The following CDC42 variants were observed in gnomAD, a reference collection of about 807,000 sequenced individuals.
The protein encoded by CDC42 is cell division cycle 42.
Under a neutral mutation model 20.8 loss-of-function variants are expected in CDC42, and 1 was observed. That is an observed-to-expected ratio of 0.05 (90% CI 0.02 to 0.23). The LOEUF is 0.23. Among genes scored for constraint, CDC42 ranks in the 10% least tolerant of loss-of-function variants. The pLI, the probability that CDC42 is intolerant of heterozygous loss-of-function variation, is 1.00. For missense variants in CDC42, 49 were observed against 227.9 expected (o/e 0.21, Z 5.05); for synonymous variants, 72 against 84.8 (o/e 0.85, Z 0.83).
intron 1 of CDC42, among the ~76,000 whole-genome samples, chr1:22,071,078 C>G: frequency 7.2e-6 from 1 of 139,440 alleles, no homozygotes; most frequent in Non-Finnish European, 1.5e-5. Flanking sequence ...GAGTCTCGCT[C>G]TGTTGCCCAG....
chr1:22,093,968 G>C lies in CDC42; in HGVS notation c.*2451G>C, dbSNP rs564891327. The stretch of plus-strand genomic sequence containing the variant: ...TCAACGAATTATCCGTGTATCAGAA[G>C]AACAAGGATGATGGGGATTGATTGA... On this transcript the variant is annotated 3_prime_UTR_variant, in exon 6 of 6. Coordinates refer to ENST00000656825, the MANE Select transcript of CDC42 (RefSeq NM_001791.4). Among the ~76,000 whole-genome samples, 22 of 152,318 alleles carry C rather than the reference G, an allele frequency of 1.4e-4. No homozygotes were observed. Among genetic ancestry groups the C allele is most frequent in the African/African-American group, 4.8e-4 (20 of 41,566 alleles).
chr1:22,086,440 G>T lies in CDC42; in HGVS notation c.180G>T (p.Gly60=), dbSNP rs905370439. 1.9e-6 allele frequency: 3 copies of T among 1,580,638 alleles called. No individual in the cohort carries two copies. The South Asian group carries it at 3.4e-5, about 18-fold the overall frequency. Residue 60 remains glycine (G), a splice_region_variant and synonymous_variant, in exon 4 of 6, where the codon GGG becomes GGT. Coordinates refer to ENST00000656825, the MANE Select transcript of CDC42 (RefSeq NM_001791.4). ...CTCCAATATTTTTCTTTTTTCTAGG[G>T]CAAGAGGATTATGACAGATTACGAC... ...PYTLGLFDTA[G]QEDYDRLRPL... is the part of the protein sequence containing the mutation.
intron 3 of CDC42, among the ~76,000 whole-genome samples, chr1:22,085,030 A>G (rs896812791): frequency 5.9e-5 from 9 of 151,950 alleles, no homozygotes; most frequent in African/African-American, 1.9e-4. Context: ...TCAGAAGTTT[A>G]AGACCAGCCT....
At position 22,087,993 on chromosome 1, in the gene CDC42, G is replaced by A. The variant is rs549628739; in HGVS notation, c.486+1127G>A. On this transcript the variant is annotated intron_variant, in intron 5 of 5. Coordinates refer to ENST00000656825, the MANE Select transcript of CDC42 (RefSeq NM_001791.4). Reference sequence around the variant, plus strand: ...TCCCTCAAAATAACTTCGAGGCCTAGTATCAGATGATTTAAACATAATCTT... The same window carrying A: ...TCCCTCAAAATAACTTCGAGGCCTAATATCAGATGATTTAAACATAATCTT... 4.5e-4 allele frequency among the ~76,000 whole-genome samples: 69 copies of A among 152,296 alleles called. 1 individual carries two copies. The South Asian group carries it at 6.0e-3, about 13-fold the overall frequency.
chr1:22,078,264 G>A (rs978270282), intron 1 of CDC42, among the ~76,000 whole-genome samples, 165 bp from the exon 2 acceptor site: 1 of 152,116 alleles, frequency 6.6e-6, no homozygotes, highest in African/African-American at 2.4e-5. Context: ...GACCTTATTT[G>A]TTATTGTAAC....
intron 1 of CDC42, among the ~76,000 whole-genome samples, chr1:22,061,411 G>GAA (rs150165231): frequency 7.3e-6 from 1 of 136,390 alleles, no homozygotes; most frequent in Admixed American, 7.4e-5. Context: ...TCTGTCTCAG[G>GAA]AAAAAAAAAA....
chr1:22,074,034 T>C (rs1185157036), intron 1 of CDC42: 1 of 152,148 alleles, frequency 6.6e-6, no homozygotes, highest in Non-Finnish European at 1.5e-5. Context: ...TAAAAAGAGG[T>C]AGGATTCAGT....
At position 22,093,417 on chromosome 1, in the gene CDC42, A is replaced by G. The variant is rs1459151175; in HGVS notation, c.*1900A>G. 1.3e-5 allele frequency among the ~76,000 whole-genome samples: 2 copies of G among 152,242 alleles called. No individual in the cohort carries two copies. The highest frequency in any genetic ancestry group is 2.9e-5 in the Non-Finnish European group (2 of 68,036). On this transcript the variant is annotated 3_prime_UTR_variant, in exon 6 of 6. Transcript: ENST00000656825. ...ACCTAGTTGGTTATCTCAAACTACT[A>G]CTATCAGAATACAGGTTCTGTGCTG... is the stretch of plus-strand genomic sequence containing the variant.
chr1:22,076,797 A>G (rs746786782), intron 1 of CDC42, among the ~76,000 whole-genome samples: 3 of 152,064 alleles, frequency 2.0e-5, no homozygotes, highest in Non-Finnish European at 4.4e-5. Context: ...CTTAGTGCAT[A>G]AAAGGGAAAG....
chr1:22,063,280 C>T (rs889909060), intron 1 of CDC42, among the ~76,000 whole-genome samples: 2 of 151,916 alleles, frequency 1.3e-5, no homozygotes, highest in Non-Finnish European at 2.9e-5. Flanking sequence ...GAGACTACTA[C>T]AGTTGTTAGC....
chr1:22,089,013 G>A (rs2124046393), intron 5 of CDC42, among the ~76,000 whole-genome samples: 1 of 152,268 alleles, frequency 6.6e-6, no homozygotes, highest in East Asian at 1.9e-4. Flanking sequence ...GGGAACACTT[G>A]GGGTGGTCTG....
intron 5 of CDC42, among the ~76,000 whole-genome samples, chr1:22,087,560 C>G (rs768106860): frequency 1.2e-4 from 19 of 152,154 alleles, no homozygotes; most frequent in Admixed American, 3.9e-4. Context: ...TTTTCACCTT[C>G]ATGATATCGC....
chr1:22,068,320 C>T (rs1269175644), intron 1 of CDC42: 1 of 153,338 alleles, frequency 6.5e-6, no homozygotes. Context: ...TCTGAGCCAT[C>T]TCTTAAGTTC....
intron 1 of CDC42, among the ~76,000 whole-genome samples, chr1:22,058,524 C>A (rs2152826281): frequency 6.6e-6 from 1 of 151,048 alleles, no homozygotes; most frequent in South Asian, 2.1e-4. Flanking sequence ...CCCTTGTTGC[C>A]CAGGCTGGAG....
Position 22,093,749 on chromosome 1 carries a change from C to T in CDC42, c.*2232C>T, listed in dbSNP as rs1645737320. On this transcript the variant is annotated 3_prime_UTR_variant, in exon 6 of 6. Coordinates refer to ENST00000656825, the MANE Select transcript of CDC42 (RefSeq NM_001791.4). ...TTGTTGACTATACTAGGGAGAGATA[C>T]CTGGATCATGTGATACCCTGGAAAG... Among the ~76,000 whole-genome samples, 1 of 152,180 alleles carries T rather than the reference C, an allele frequency of 6.6e-6. No individual in the cohort carries two copies. The highest frequency in any genetic ancestry group is 6.5e-5 in the Admixed American group (1 of 15,272).
intron 1 of CDC42, among the ~76,000 whole-genome samples, chr1:22,076,330 C>T (rs999789325): frequency 1.3e-5 from 2 of 152,046 alleles, no homozygotes; most frequent in African/African-American, 4.8e-5. Flanking sequence ...TGGTGGCATG[C>T]ACCTGTAATC....
intron 3 of CDC42, among the ~76,000 whole-genome samples, chr1:22,084,139 A>T (rs1645635330): frequency 6.6e-6 from 1 of 152,186 alleles, no homozygotes; most frequent in Non-Finnish European, 1.5e-5. Flanking sequence ...CAACATGGGT[A>T]TACAGATACC....
intron 5 of CDC42, chr1:22,089,877 G>C: frequency 4.6e-6 from 7 of 1,516,794 alleles, no homozygotes; most frequent in Non-Finnish European, 6.3e-6. Context: ...GACTGCTGTT[G>C]TACCTGCTAG....
chr1:22,062,730 T>TAA lies in CDC42; in HGVS notation c.-51+10022_-51+10023dup, dbSNP rs531472151. On this transcript the variant is annotated intron_variant, in intron 1 of 5. Transcript: ENST00000656825. Reference sequence around the variant, plus strand: ...AACATAGTGAGACCGTGGCTCTATTTAAAAAAAAAAAAAAAAAAAAAAAAA... The same window carrying TAA: ...AACATAGTGAGACCGTGGCTCTATTTAAAAAAAAAAAAAAAAAAAAAAAAAAA... Among the ~76,000 whole-genome samples, 26 of 69,422 alleles carry TAA rather than the reference T, an allele frequency of 3.7e-4. 1 individual carries two copies. Among genetic ancestry groups the TAA allele is most frequent in the Non-Finnish European group, 5.7e-4 (23 of 40,446 alleles). The allele number at this position is 69,422 out of a possible 152,430, so 45.5% of individuals were successfully genotyped here.
Sources: allele counts gnomAD v4.1 joint callset (sites outside exome capture counted in the v4.1 genomes callset), GRCh38; gene constraint gnomAD v4.1.1; transcripts MANE v1.5; gene names NCBI Gene and HGNC (gene_info 2026-07-23, HGNC 2026-07-21).